KIF4A: variants seen among roughly 807,000 people sequenced by gnomAD.
KIF4A encodes the protein chromosome-associated kinesin KIF4A.
Under a neutral mutation model 105.9 loss-of-function variants are expected in KIF4A, and 7 were observed. The ratio of observed to expected loss-of-function variants is 0.07; its 90% CI spans 0.04 to 0.12. KIF4A has a LOEUF of 0.12. Among genes scored for constraint, KIF4A ranks in the 10% least tolerant of loss-of-function variants. The probability of loss-of-function intolerance (pLI) is 1.00; values close to 1 mark genes in which losing one functional copy is unlikely to be tolerated. For missense variants in KIF4A, 558 were observed against 929.2 expected (o/e 0.60, Z 5.19); for synonymous variants, 281 against 331.3 (o/e 0.85, Z 1.65).
chrX:70,344,626 T>C, intron 13 of KIF4A, among the ~76,000 whole-genome samples: 1 of 111,838 alleles, frequency 8.9e-6, no homozygotes, highest in Non-Finnish European at 1.9e-5. Context: ...AATCGTACTA[T>C]AACATACTAT....
At position 70,350,741 on chromosome X, in the gene KIF4A, T is replaced by C. The variant is rs746082753; in HGVS notation, c.1432-1859T>C. On this transcript the variant is annotated intron_variant, in intron 13 of 30. Transcript: ENST00000374403. ...CTTCTCACATTAAAGGTACTAAAAG[T>C]TAAGTTTCAACAACTATGTAATGTT... Among the ~76,000 whole-genome samples, 19 of 111,960 alleles carry C rather than the reference T, an allele frequency of 1.7e-4. No homozygotes were observed. In the South Asian group the frequency reaches 6.8e-3, roughly 40 times the overall value.
intron 26 of KIF4A, 26 bp from the exon 27 acceptor site, chrX:70,406,233 A>G (rs781589164): frequency 1.0e-5 from 12 of 1,157,681 alleles, no homozygotes; most frequent in Non-Finnish European, 1.4e-5. Context: ...CCTGCATTAT[A>G]TACTTTGTCT....
chrX:70,319,659 A>T (rs950491787), intron 7 of KIF4A, among the ~76,000 whole-genome samples: 3 of 112,524 alleles, frequency 2.7e-5, no homozygotes, highest in Admixed American at 9.4e-5. Flanking sequence ...ATTGCAAGTG[A>T]TATTTTTAAA....
intron 3 of KIF4A, among the ~76,000 whole-genome samples, chrX:70,294,935 A>G (rs2085775406): frequency 9.0e-6 from 1 of 111,681 alleles, no homozygotes; most frequent in African/African-American, 3.3e-5. Flanking sequence ...TTAGCTGGGC[A>G]TAGTGGCGCG....
Position 70,314,608 on chromosome X carries a change from T to C in KIF4A, c.778+12210T>C, listed in dbSNP as rs948023558. 2.7e-5 allele frequency among the ~76,000 whole-genome samples: 3 copies of C among 111,809 alleles called. No homozygotes were observed. In the Admixed American group the frequency reaches 2.9e-4, roughly 11 times the overall value. ...AGGACAAGAGCTTAGAAGCAACATC[T>C]GGGCTAGAGATAAATATTTGGAATC... On this transcript the variant is annotated intron_variant, in intron 7 of 30. Coordinates refer to ENST00000374403, the MANE Select transcript of KIF4A (RefSeq NM_012310.5).
intron 15 of KIF4A, among the ~76,000 whole-genome samples, chrX:70,373,845 C>T (rs771966744): frequency 9.7e-5 from 9 of 93,238 alleles, no homozygotes; most frequent in South Asian, 5.1e-4. Context: ...CACACACACA[C>T]ATACACACAC....
At chrX:70,395,123 G>A (rs984324260) in intron 20 of KIF4A, among the ~76,000 whole-genome samples, 53 of 111,704 alleles carry the variant, frequency 4.7e-4, no homozygotes, top group Admixed American at 2.5e-3. Flanking sequence ...GCGCGTGCTT[G>A]TAATCCCAGC....
intron 15 of KIF4A, chrX:70,361,550 T>G (rs755392607): frequency 6.0e-6 from 1 of 165,346 alleles, no homozygotes; most frequent in South Asian, 1.4e-4. Context: ...GAACATCCTG[T>G]GAATTTCATT....
chrX:70,347,931 C>T (rs910084328), intron 13 of KIF4A, among the ~76,000 whole-genome samples: 13 of 72,158 alleles, frequency 1.8e-4, no homozygotes, highest in Non-Finnish European at 2.7e-4. Flanking sequence ...GCCGAGATCG[C>T]GCCACTGCAC....
At chrX:70,377,957 A>G (rs1002160495) in intron 18 of KIF4A, among the ~76,000 whole-genome samples, 2 of 112,497 alleles carry the variant, frequency 1.8e-5, no homozygotes, top group African/African-American at 6.5e-5. Flanking sequence ...TGAAAATAAT[A>G]CAAAATCTGT....
intron 22 of KIF4A, among the ~76,000 whole-genome samples, chrX:70,398,275 C>T (rs2086268146): frequency 8.9e-6 from 1 of 111,956 alleles, no homozygotes; most frequent in African/African-American, 3.3e-5. Context: ...TGGCCTCAAG[C>T]GATCGGCCTG....
intron 7 of KIF4A, among the ~76,000 whole-genome samples, chrX:70,317,972 G>A (rs987865202): frequency 9.2e-6 from 1 of 109,075 alleles, no homozygotes; most frequent in Non-Finnish European, 1.9e-5. Flanking sequence ...CTGCCTCCTG[G>A]GTTCAAGTGA....
intron 5 of KIF4A, among the ~76,000 whole-genome samples, chrX:70,300,627 C>T (rs2085800929): frequency 9.0e-6 from 1 of 111,543 alleles, no homozygotes; most frequent in Non-Finnish European, 1.9e-5. Flanking sequence ...TATGTTAGGA[C>T]CAGATTATGA....
At chrX:70,402,144 C>T (rs1316720365) in intron 22 of KIF4A, among the ~76,000 whole-genome samples, 1 of 111,624 alleles carries the variant, frequency 9.0e-6, no homozygotes, top group African/African-American at 3.3e-5. Flanking sequence ...TAGTAAAGAG[C>T]ATATCTACCT....
intron 22 of KIF4A, among the ~76,000 whole-genome samples, chrX:70,400,908 C>T (rs1899124868): frequency 9.2e-6 from 1 of 108,455 alleles, no homozygotes; most frequent in Non-Finnish European, 1.9e-5. Flanking sequence ...GCTGGGATTA[C>T]AGGCACCTGC....
chrX:70,357,631 G>A (rs2086057338), intron 15 of KIF4A, among the ~76,000 whole-genome samples: 1 of 112,370 alleles, frequency 8.9e-6, no homozygotes, highest in Non-Finnish European at 1.9e-5. Context: ...AGCTTTGCAT[G>A]TCTGAAAATT....
chrX:70,415,869 T>C (rs1243790181), intron 28 of KIF4A, among the ~76,000 whole-genome samples: 1 of 95,018 alleles, frequency 1.1e-5, no homozygotes, highest in East Asian at 3.2e-4. Context: ...TTCTTTTTTT[T>C]TTTTTTTTTT....
intron 22 of KIF4A, among the ~76,000 whole-genome samples, chrX:70,399,176 G>A (rs148321598): frequency 4.5e-5 from 5 of 112,269 alleles, no homozygotes; most frequent in East Asian, 2.8e-4. Flanking sequence ...TATGATGGTC[G>A]TCTCAAGAAA....
At chrX:70,357,510 G>T (rs1266172030) in intron 15 of KIF4A, among the ~76,000 whole-genome samples, 1 of 111,979 alleles carries the variant, frequency 8.9e-6, no homozygotes, top group Non-Finnish European at 1.9e-5. Flanking sequence ...TTTCTCATCT[G>T]TGTTGACATG....
Sources: allele counts gnomAD v4.1 joint callset (sites outside exome capture counted in the v4.1 genomes callset), GRCh38; gene constraint gnomAD v4.1.1; transcripts MANE v1.5; gene names NCBI Gene and HGNC (gene_info 2026-07-23, HGNC 2026-07-21).